The following EGFLAM variants were observed in gnomAD, a reference collection of about 807,000 sequenced individuals.
EGFLAM encodes the protein pikachurin.
A neutral mutation model predicts 113.1 loss-of-function variants in EGFLAM; 79 were observed. The observed-to-expected ratio is 0.70, with a 90% CI of 0.58 to 0.84. EGFLAM has a LOEUF of 0.84. Ranked by LOEUF, EGFLAM falls within the 40% of genes least tolerant of loss-of-function variation. EGFLAM has a pLI of 0.00. For synonymous variants in EGFLAM, 504 were observed against 487.6 expected (o/e 1.03, Z -0.44); for missense variants, 1,265 against 1,291.6 (o/e 0.98, Z 0.32).
chr5:38,355,182 C>G (rs922016273), intron 5 of EGFLAM, among the ~76,000 whole-genome samples: 1 of 152,164 alleles, frequency 6.6e-6, no homozygotes, highest in Non-Finnish European at 1.5e-5. Flanking sequence ...CTGTAGGCAA[C>G]CGGGTCTTCA....
intron 9 of EGFLAM, 31 bp downstream of exon 9, chr5:38,407,936 T>G: frequency 6.6e-7 from 1 of 1,509,720 alleles, no homozygotes; most frequent in South Asian, 1.1e-5. Flanking sequence ...GATGAGTGCT[T>G]TTTGGACACT....
chr5:38,347,287 G>A (rs557999896), intron 3 of EGFLAM, among the ~76,000 whole-genome samples: 42 of 152,298 alleles, frequency 2.8e-4, no homozygotes, highest in African/African-American at 7.5e-4. Context: ...TCATCAAGAA[G>A]CATTGCTTGA....
At chr5:38,259,945 A>C (rs189291671) in intron 1 of EGFLAM, among the ~76,000 whole-genome samples, 1 of 152,214 alleles carries the variant, frequency 6.6e-6, no homozygotes, top group African/African-American at 2.4e-5. Flanking sequence ...CTATCTGGAA[A>C]TATGACTTGT....
intron 6 of EGFLAM, chr5:38,401,933 A>T (rs1034288855): frequency 1.3e-5 from 2 of 152,026 alleles, no homozygotes; most frequent in African/African-American, 4.8e-5. Flanking sequence ...AATGTCCTAC[A>T]AGTCTTGGTG....
chr5:38,379,626 G>C (rs4618451), intron 6 of EGFLAM, among the ~76,000 whole-genome samples: 11,433 of 151,326 alleles, frequency 0.076, 484 homozygotes, highest in Middle Eastern at 0.15. Context: ...TGCTCCCCGG[G>C]TGCCCTCAGT....
intron 5 of EGFLAM, among the ~76,000 whole-genome samples, chr5:38,357,669 G>A (rs1258650168): frequency 6.6e-6 from 1 of 152,114 alleles, no homozygotes; most frequent in African/African-American, 2.4e-5. Flanking sequence ...GTAGAAATTG[G>A]TTTATCCCCA....
intron 1 of EGFLAM, among the ~76,000 whole-genome samples, chr5:38,325,110 C>T (rs541814746): frequency 6.6e-6 from 1 of 152,120 alleles, no homozygotes; most frequent in African/African-American, 2.4e-5. Flanking sequence ...ATATATGTGG[C>T]AATGACTGGC....
chr5:38,406,681 A>G (rs537480155), intron 7 of EGFLAM, 147 bp from the exon 8 acceptor site: 2 of 704,520 alleles, frequency 2.8e-6, no homozygotes, highest in East Asian at 2.7e-5. Context: ...TTGTCCATAA[A>G]TTAGAGTCAG....
chr5:38,410,721 C>G (rs1561076138), intron 10 of EGFLAM, among the ~76,000 whole-genome samples: 1 of 152,180 alleles, frequency 6.6e-6, no homozygotes, highest in Non-Finnish European at 1.5e-5. Context: ...ATGCAGCCAT[C>G]TGAGGACACC....
At chr5:38,369,716 G>T (rs545246829) in intron 5 of EGFLAM, among the ~76,000 whole-genome samples, 2 of 152,220 alleles carry the variant, frequency 1.3e-5, no homozygotes, top group African/African-American at 4.8e-5. Context: ...CTCCCAGATG[G>T]GAGCTCTAAG....
At chr5:38,401,452 G>A (rs1280620269) in intron 6 of EGFLAM, among the ~76,000 whole-genome samples, 1 of 152,154 alleles carries the variant, frequency 6.6e-6, no homozygotes, top group African/African-American at 2.4e-5. Context: ...CTTTTCTGTG[G>A]CCTCGGTTTC....
chr5:38,406,959 G>T lies in EGFLAM; in HGVS notation c.960G>T (p.Thr320=), dbSNP rs778060103. The T allele has an allele frequency of 1.9e-6, 3 of 1,614,030 alleles. No individual in the cohort carries two copies. In the African/African-American group the frequency reaches 4.0e-5, roughly 22 times the overall value. The change falls in exon 8 of 22, where the codon ACG becomes ACT. Residue 320 remains threonine, a synonymous_variant. Coordinates refer to ENST00000322350, the MANE Select transcript of EGFLAM (RefSeq NM_152403.4). ...PPTSASLPVT[T]VAPQPIPIQR... ...CCTCAGCATCTCTCCCTGTGACCACGGTGGCTCCCCAGCCCATTCCCATAC... is the reference window on the plus strand; with the variant it reads ...CCTCAGCATCTCTCCCTGTGACCACTGTGGCTCCCCAGCCCATTCCCATAC...
intron 12 of EGFLAM, among the ~76,000 whole-genome samples, chr5:38,422,923 T>G (rs1561083383): frequency 6.6e-6 from 1 of 152,196 alleles, no homozygotes; most frequent in Non-Finnish European, 1.5e-5. Flanking sequence ...TACTCACCCA[T>G]GCTCAGGTTC....
chr5:38,350,510 A>C lies in EGFLAM; in HGVS notation c.301A>C (p.Ile101Leu). The change falls in exon 4 of 22, where the codon ATT becomes CTT. Residue 101 changes from isoleucine to leucine, a missense_variant. Ile to Leu is a conservative substitution (Grantham distance 5). Coordinates refer to ENST00000322350, the MANE Select transcript of EGFLAM (RefSeq NM_152403.4). ...SRDIPTTEEV[I>L]GDLKPGTEYR... ...GTTTGGTCATTGACAGGAGGAAGTGATTGGAGATTTGAAACCAGGCACTGA... is the reference window on the plus strand; with the variant it reads ...GTTTGGTCATTGACAGGAGGAAGTGCTTGGAGATTTGAAACCAGGCACTGA... The C allele has an allele frequency of 6.2e-7, 1 of 1,613,794 alleles. No individual in the cohort carries two copies. The highest frequency in any genetic ancestry group is 8.5e-7 in the Non-Finnish European group (1 of 1,179,854).
intron 1 of EGFLAM, among the ~76,000 whole-genome samples, chr5:38,275,699 G>A (rs773843927): frequency 6.6e-6 from 1 of 152,166 alleles, no homozygotes; most frequent in Non-Finnish European, 1.5e-5. Flanking sequence ...GATTTAAACT[G>A]CATTCCAGAA....
At chr5:38,266,334 A>G (rs1757635523) in intron 1 of EGFLAM, among the ~76,000 whole-genome samples, 2 of 152,196 alleles carry the variant, frequency 1.3e-5, no homozygotes, top group South Asian at 4.1e-4. Context: ...CATAATCCTC[A>G]GTTTACTGAT....
intron 1 of EGFLAM, among the ~76,000 whole-genome samples, chr5:38,317,834 G>T (rs915123732): frequency 1.3e-5 from 2 of 152,184 alleles, no homozygotes; most frequent in Non-Finnish European, 2.9e-5. Flanking sequence ...GCCAGATTCT[G>T]GCCCAGTATG....
At chr5:38,401,846 T>A (rs1741124779) in intron 6 of EGFLAM, 1 of 152,216 alleles carries the variant, frequency 6.6e-6, no homozygotes, top group Non-Finnish European at 1.5e-5. Context: ...GTGTTGACTT[T>A]ATCAAGCAAT....
chr5:38,441,987 T>C (rs116297355), intron 17 of EGFLAM, among the ~76,000 whole-genome samples: 1,937 of 152,304 alleles, frequency 0.013, 54 homozygotes, highest in African/African-American at 0.045. Flanking sequence ...GCGCCTGTAC[T>C]CATCAGGGGC....
Sources: gnomAD v4.1 joint callset for allele counts (sites outside exome capture counted in the v4.1 genomes callset) on GRCh38, gnomAD v4.1.1 for gene constraint, MANE v1.5 for transcripts, NCBI Gene and HGNC (gene_info 2026-07-23, HGNC 2026-07-21) for gene names.